Variants in PREX2 observed in about 807,000 individuals in gnomAD.
PREX2 encodes phosphatidylinositol-3,4,5-trisphosphate dependent Rac exchange factor 2, also known as phosphatidylinositol 3,4,5-trisphosphate-dependent Rac exchanger 2 protein.
In PREX2, 107 loss-of-function variants were observed where a neutral mutation model predicts 203.2. The ratio of observed to expected loss-of-function variants is 0.53; its 90% CI spans 0.45 to 0.62. The LOEUF is 0.62. Among genes scored for constraint, PREX2 ranks in the 20% least tolerant of loss-of-function variants. The pLI is 0.00. For missense variants in PREX2, 1,777 were observed against 1,955.9 expected (o/e 0.91, Z 1.72); for synonymous variants, 672 against 663.6 (o/e 1.01, Z -0.19).
intron 1 of PREX2, among the ~76,000 whole-genome samples, chr8:67,988,464 C>A (rs1332130116): frequency 6.6e-6 from 1 of 152,094 alleles, no homozygotes; most frequent in African/African-American, 2.4e-5. Context: ...TGCCATTGTT[C>A]ACAGGGAAGC....
At chr8:68,045,194 A>G (rs10102002) in intron 8 of PREX2, among the ~76,000 whole-genome samples, 24,687 of 151,982 alleles carry the variant, frequency 0.16, 2,418 homozygotes, top group South Asian at 0.21. Context: ...ACAAACATTA[A>G]GTAAAGTTAA....
chr8:68,234,030 T>C lies in PREX2; in HGVS notation c.*2652T>C, dbSNP rs1377900564. On this transcript the variant is annotated 3_prime_UTR_variant, in exon 40 of 40. Coordinates refer to ENST00000288368, the MANE Select transcript of PREX2 (RefSeq NM_024870.4). ...ACATTTTACAACTCTGGATGCACAT[T>C]TTGAGGTAACTCAACAGTGTTGCAA... The C allele has an allele frequency of 1.3e-5, 2 of 152,194 alleles. No homozygotes were observed. The highest frequency in any genetic ancestry group is 2.9e-5 in the Non-Finnish European group (2 of 68,038). 9.4% of individuals were successfully genotyped at this position (152,194 alleles called of 1,614,324 possible).
At chr8:67,962,201 A>G (rs1404540483) in intron 1 of PREX2, among the ~76,000 whole-genome samples, 2 of 152,190 alleles carry the variant, frequency 1.3e-5, no homozygotes, top group African/African-American at 4.8e-5. Flanking sequence ...AGATGGTGAC[A>G]CATTTTCAGA....
At chr8:68,052,318 G>A (rs1031831743) in intron 8 of PREX2, among the ~76,000 whole-genome samples, 2 of 152,074 alleles carry the variant, frequency 1.3e-5, no homozygotes, top group Admixed American at 6.6e-5. Flanking sequence ...AGTAAAGGTC[G>A]TTTGCAAGTT....
intron 20 of PREX2, among the ~76,000 whole-genome samples, chr8:68,093,382 C>T (rs1227098493): frequency 9.1e-6 from 1 of 110,054 alleles, no homozygotes; most frequent in Non-Finnish European, 1.7e-5. Flanking sequence ...AAGAGGGAAA[C>T]TCCATCTCAA....
At chr8:68,100,502 G>A (rs144195648) in intron 23 of PREX2, among the ~76,000 whole-genome samples, 1 of 152,304 alleles carries the variant, frequency 6.6e-6, no homozygotes, top group Non-Finnish European at 1.5e-5. Flanking sequence ...TGATCCTTTT[G>A]ACTCTGTGGC....
intron 18 of PREX2, among the ~76,000 whole-genome samples, chr8:68,083,782 AC>A (rs1228197028): frequency 1.3e-5 from 2 of 152,304 alleles, no homozygotes; most frequent in African/African-American, 4.8e-5. Context: ...ATAATTTAAC[AC>A]TCATAAGAGA....
rs972212007 is a variant in PREX2 at position 67,959,072 on chromosome 8, A to G, written c.141+6537A>G. ...AGCAATTAGAGGAAGAAAATACACA[A>G]ACAAAAGGTAGGATGTTGGAGAGTC... On this transcript the variant is annotated intron_variant, in intron 1 of 39. Coordinates refer to ENST00000288368, the MANE Select transcript of PREX2 (RefSeq NM_024870.4). Among the ~76,000 whole-genome samples the G allele has an allele frequency of 2.6e-5, 4 of 152,322 alleles. No homozygotes were observed. In the East Asian group the frequency reaches 5.8e-4, roughly 22 times the overall value.
At chr8:68,025,707 C>T (rs765848710) in intron 4 of PREX2, among the ~76,000 whole-genome samples, 40 of 152,132 alleles carry the variant, frequency 2.6e-4, no homozygotes, top group Non-Finnish European at 4.7e-4. Context: ...TCAAGCGATC[C>T]TCTTACCTCA....
intron 37 of PREX2, among the ~76,000 whole-genome samples, chr8:68,195,117 G>A (rs1444041894): frequency 6.6e-6 from 1 of 152,148 alleles, no homozygotes; most frequent in Non-Finnish European, 1.5e-5. Flanking sequence ...AGTTAAATCT[G>A]CCATTTAACC....
At chr8:68,148,430 A>C (rs7819318) in intron 34 of PREX2, among the ~76,000 whole-genome samples, 66,490 of 151,968 alleles carry the variant, frequency 0.44, 14,740 homozygotes, top group African/African-American at 0.49. Context: ...TTGACTTTGA[A>C]ATTATTACTG....
intron 28 of PREX2, 33 bp downstream of exon 28, chr8:68,119,547 A>T: frequency 6.7e-7 from 1 of 1,500,978 alleles, no homozygotes; most frequent in East Asian, 2.3e-5. Context: ...CTTTTGTTCC[A>T]CAACTAAACT....
At chr8:67,966,905 G>C (rs1341393502) in intron 1 of PREX2, among the ~76,000 whole-genome samples, 1 of 152,148 alleles carries the variant, frequency 6.6e-6, no homozygotes, top group Admixed American at 6.5e-5. Context: ...ACAAATTCCT[G>C]CTTTCATGGA....
At chr8:68,181,568 C>A (rs564201443) in intron 35 of PREX2, among the ~76,000 whole-genome samples, 8 of 152,174 alleles carry the variant, frequency 5.3e-5, no homozygotes, top group African/African-American at 1.9e-4. Context: ...CCTATTATAA[C>A]TACAATTTAT....
At chr8:68,202,938 T>C (rs373271780) in intron 37 of PREX2, among the ~76,000 whole-genome samples, 84 of 152,172 alleles carry the variant, frequency 5.5e-4, no homozygotes, top group African/African-American at 1.9e-3. Flanking sequence ...TCACACTCCT[T>C]GGAGATAAAG....
At chr8:68,074,233 C>T (rs543597784) in intron 14 of PREX2, among the ~76,000 whole-genome samples, 2 of 152,070 alleles carry the variant, frequency 1.3e-5, no homozygotes, top group African/African-American at 4.8e-5. Context: ...CCAAAGGGCT[C>T]GGATTACAGG....
chr8:67,982,400 G>C (rs926164635), intron 1 of PREX2, among the ~76,000 whole-genome samples: 1 of 152,108 alleles, frequency 6.6e-6, no homozygotes, highest in Non-Finnish European at 1.5e-5. Flanking sequence ...TCCAGCCTGG[G>C]CAACAGAGCA....
chr8:68,082,557 G>C (rs1194320943), intron 17 of PREX2: 1 of 152,224 alleles, frequency 6.6e-6, no homozygotes, highest in Non-Finnish European at 1.5e-5. Flanking sequence ...GATGGTCTTA[G>C]AGCACAGCTG....
chr8:67,982,112 C>T (rs1357671906), intron 1 of PREX2, among the ~76,000 whole-genome samples: 2 of 152,154 alleles, frequency 1.3e-5, no homozygotes, highest in East Asian at 1.9e-4. Context: ...TATGTAATAG[C>T]TTTGTCCCAA....
Sources: gnomAD v4.1 joint callset for allele counts (sites outside exome capture counted in the v4.1 genomes callset) on GRCh38, gnomAD v4.1.1 for gene constraint, MANE v1.5 for transcripts, NCBI Gene and HGNC (gene_info 2026-07-23, HGNC 2026-07-21) for gene names.